FER: variants seen among roughly 807,000 people sequenced by gnomAD.
FER encodes the protein FER tyrosine kinase.
Under a neutral mutation model 111.0 loss-of-function variants are expected in FER, and 63 were observed. The ratio of observed to expected loss-of-function variants is 0.57; its 90% CI spans 0.46 to 0.70. FER has a LOEUF of 0.70. Ranked by LOEUF, FER falls within the 30% of genes least tolerant of loss-of-function variation. The pLI, the probability that FER is intolerant of heterozygous loss-of-function variation, is 0.00. For synonymous variants in FER, 327 were observed against 313.9 expected (o/e 1.04, Z -0.44); for missense variants, 914 against 954.0 (o/e 0.96, Z 0.55).
Position 108,835,804 on chromosome 5 carries a change from A to G in FER, c.478A>G (p.Lys160Glu). 1 of 1,529,964 alleles carries G rather than the reference A, an allele frequency of 6.5e-7. No individual in the cohort carries two copies. Among genetic ancestry groups the G allele is most frequent in the Non-Finnish European group, 8.8e-7 (1 of 1,139,892 alleles). 94.8% of individuals were successfully genotyped at this position (1,529,964 alleles called of 1,614,324 possible). A position where few individuals can be genotyped will look rare whatever the true frequency, so the allele number is the denominator to read the frequency against. Residue 160 changes from lysine to glutamate, a missense_variant, in exon 5 of 20, where the codon AAA (lysine) becomes GAA (glutamate). Lys to Glu is a moderately conservative substitution (Grantham distance 56). This residue lies in a region of FER where 774 missense variants were observed against 782.6 expected (regional missense o/e 0.99). Transcript: ENST00000281092. Reference sequence around the variant, plus strand: ...AGAGAAATATAAAGAAGCTTTAGCTAAAGGTAAGGCAAAATTTTAAAAATT... The same window carrying G: ...AGAGAAATATAAAGAAGCTTTAGCTGAAGGTAAGGCAAAATTTTAAAAATT... Reference protein sequence around the residue: ...AKEKYKEALAKGKETEKAKER... With the variant: ...AKEKYKEALAEGKETEKAKER...
intron 17 of FER, among the ~76,000 whole-genome samples, chr5:109,158,307 G>T (rs1337432284): frequency 6.6e-6 from 1 of 151,998 alleles, no homozygotes; most frequent in African/African-American, 2.4e-5. Flanking sequence ...GGGCAGTTGA[G>T]GTAGATGAAT....
intron 3 of FER, among the ~76,000 whole-genome samples, chr5:108,828,027 T>G (rs1759655245): frequency 6.6e-6 from 1 of 151,966 alleles, no homozygotes; most frequent in Non-Finnish European, 1.5e-5. Flanking sequence ...GCTTTTCAAA[T>G]TTTTGATTAA....
chr5:108,907,840 AT>A (rs139115292), intron 10 of FER, among the ~76,000 whole-genome samples: 7 of 151,430 alleles, frequency 4.6e-5, no homozygotes, highest in East Asian at 3.9e-4. Flanking sequence ...GTATCAGTGG[AT>A]TTTTTTTTCT....
At chr5:109,120,410 A>T (rs1432286694) in intron 17 of FER, among the ~76,000 whole-genome samples, 1 of 151,936 alleles carries the variant, frequency 6.6e-6, no homozygotes, top group Non-Finnish European at 1.5e-5. Flanking sequence ...TTCACTGTAG[A>T]TGTATGGATT....
rs191393866 is a variant in FER, at chr5:109,068,288, A to G, written c.1924+21090A>G. On this transcript the variant is annotated intron_variant, in intron 16 of 19. Transcript: ENST00000281092. ...ACCCTCTGCCTTCCGGGTTCAAGCA[A>G]TTCTCCTGCCTCAGCCTCCCGAGTA... Among the ~76,000 whole-genome samples the G allele has an allele frequency of 1.7e-3, 262 of 151,592 alleles. 1 individual carries two copies. The highest frequency in any genetic ancestry group is 5.8e-3 in the African/African-American group (240 of 41,262).
Position 108,775,990 on chromosome 5 carries a change from A to G in FER, c.-60+7752A>G, listed in dbSNP as rs549307417. Reference sequence around the variant, plus strand: ...TATTTTATTCAAACACAGTCACTCTATTTGTGACTTCTAACTGTCAGTATT... The same window carrying G: ...TATTTTATTCAAACACAGTCACTCTGTTTGTGACTTCTAACTGTCAGTATT... On this transcript the variant is annotated intron_variant, in intron 2 of 19. Transcript: ENST00000281092. Among the ~76,000 whole-genome samples, 5 of 152,230 alleles carry G rather than the reference A, an allele frequency of 3.3e-5. No homozygotes were observed. The East Asian group carries it at 9.6e-4, about 29-fold the overall frequency.
intron 13 of FER, among the ~76,000 whole-genome samples, chr5:109,003,419 G>A (rs952244714): frequency 1.3e-5 from 2 of 152,078 alleles, no homozygotes; most frequent in Admixed American, 6.6e-5. Flanking sequence ...TGAACAATGA[G>A]AACACATGGA....
At chr5:109,138,428 T>G (rs1753147311) in intron 17 of FER, among the ~76,000 whole-genome samples, 1 of 152,200 alleles carries the variant, frequency 6.6e-6, no homozygotes, top group African/African-American at 2.4e-5. Context: ...TGTGTGTTAA[T>G]TTGTGATAAT....
At position 109,195,086 on chromosome 5, in the gene FER, A is replaced by G. The variant is rs556571186; in HGVS notation, c.*7511A>G. 6.6e-6 allele frequency: 1 copy of G among 152,256 alleles called. No homozygotes were observed. The highest frequency in any genetic ancestry group is 2.1e-4 in the South Asian group (1 of 4,818). The allele number at this position is 152,256 out of a possible 1,614,324, so 9.4% of individuals were successfully genotyped here. Reference sequence around the variant, plus strand: ...AAGAAAGAAAGAAACACACCCTCTTATGTAGGAATTTCCCTTTTACAAATA... The same window carrying G: ...AAGAAAGAAAGAAACACACCCTCTTGTGTAGGAATTTCCCTTTTACAAATA... On this transcript the variant is annotated 3_prime_UTR_variant, in exon 20 of 20. Coordinates refer to ENST00000281092, the MANE Select transcript of FER (RefSeq NM_005246.4).
chr5:108,916,430 A>G (rs779596583), intron 10 of FER, among the ~76,000 whole-genome samples: 11 of 151,454 alleles, frequency 7.3e-5, no homozygotes, highest in Non-Finnish European at 1.5e-4. Context: ...TGTTTACCTT[A>G]ATAATTTGGG....
chr5:108,803,715 C>T (rs1414954469), intron 3 of FER, among the ~76,000 whole-genome samples: 1 of 151,922 alleles, frequency 6.6e-6, no homozygotes, highest in African/African-American at 2.4e-5. Context: ...GTACCACTAC[C>T]ATGCTGTTTT....
rs574801432 is a variant in FER at position 109,118,279 on chromosome 5, G to T, written c.2048+17760G>T. On this transcript the variant is annotated intron_variant, in intron 17 of 19. Transcript: ENST00000281092. The stretch of plus-strand genomic sequence containing the variant: ...TTGAGATAATCATATGGTTTTTGTC[G>T]TTGGTTCTGTTTATATGCTGGATTA... Among the ~76,000 whole-genome samples the T allele has an allele frequency of 1.7e-4, 26 of 152,100 alleles. No individual in the cohort carries two copies. The East Asian group carries it at 4.6e-3, about 27-fold the overall frequency.
chr5:109,009,494 G>A (rs1339643179), intron 13 of FER, among the ~76,000 whole-genome samples: 1 of 152,060 alleles, frequency 6.6e-6, no homozygotes, highest in East Asian at 1.9e-4. Flanking sequence ...TCAAATGTTG[G>A]AGACAACTCA....
intron 10 of FER, among the ~76,000 whole-genome samples, chr5:108,925,827 T>A (rs1366120765): frequency 6.6e-6 from 1 of 152,166 alleles, no homozygotes; most frequent in East Asian, 1.9e-4. Flanking sequence ...TGTGCATAAG[T>A]TTTGCTTATC....
At chr5:108,922,118 G>A (rs1264162806) in intron 10 of FER, among the ~76,000 whole-genome samples, 2 of 152,234 alleles carry the variant, frequency 1.3e-5, no homozygotes, top group African/African-American at 4.8e-5. Flanking sequence ...GAATGCCTGG[G>A]GCTACCAGAA....
At chr5:108,840,528 C>A (rs1437508086) in intron 5 of FER, among the ~76,000 whole-genome samples, 4 of 146,520 alleles carry the variant, frequency 2.7e-5, no homozygotes, top group African/African-American at 7.5e-5. Flanking sequence ...TTACTCATGA[C>A]TTTTTTTTTT....
chr5:109,124,611 GT>G (rs1751439808), intron 17 of FER, among the ~76,000 whole-genome samples: 1 of 151,878 alleles, frequency 6.6e-6, no homozygotes, highest in African/African-American at 2.4e-5. Flanking sequence ...TGTTGTTGTT[GT>G]TGTTGTTGTT....
chr5:109,132,930 G>A (rs1214260493), intron 17 of FER, among the ~76,000 whole-genome samples: 10 of 152,172 alleles, frequency 6.6e-5, no homozygotes. Context: ...GAGAAGAGCT[G>A]TGGGCAGATA....
At chr5:108,890,184 T>G (rs1561569321) in intron 9 of FER, among the ~76,000 whole-genome samples, 2 of 152,066 alleles carry the variant, frequency 1.3e-5, no homozygotes, top group African/African-American at 4.8e-5. Flanking sequence ...TCATGTTGTA[T>G]GTAACCTTTT....
Sources: gnomAD v4.1 joint callset for allele counts (sites outside exome capture counted in the v4.1 genomes callset) on GRCh38, gnomAD v4.1.1 for gene constraint, gnomAD v4.1.1 regional missense constraint, MANE v1.5 for transcripts, NCBI Gene and HGNC (gene_info 2026-07-23, HGNC 2026-07-21) for gene names.